HACE1: variants seen among roughly 807,000 people sequenced by gnomAD.
The protein encoded by HACE1 is HECT domain and ankyrin repeat containing E3 ubiquitin protein ligase 1.
In HACE1, 73 loss-of-function variants were observed where a neutral mutation model predicts 118.4. That is an observed-to-expected ratio of 0.62 (90% CI 0.51 to 0.75). HACE1 has a LOEUF of 0.75. Among genes scored for constraint, HACE1 ranks in the 30% least tolerant of loss-of-function variants. HACE1 has a pLI of 0.00. For synonymous variants in HACE1, 368 were observed against 374.8 expected (o/e 0.98, Z 0.21); for missense variants, 749 against 1,102.2 (o/e 0.68, Z 4.54).
intron 7 of HACE1, among the ~76,000 whole-genome samples, chr6:104,799,032 C>A (rs537641896): frequency 2.8e-4 from 43 of 152,270 alleles, no homozygotes; most frequent in African/African-American, 8.4e-4. Context: ...ATTTCAGACA[C>A]CATTCATTTG....
At chr6:104,853,329 A>T (rs1776422931) in intron 1 of HACE1, among the ~76,000 whole-genome samples, 1 of 152,178 alleles carries the variant, frequency 6.6e-6, no homozygotes, top group African/African-American at 2.4e-5. Context: ...AGGCTAAGAG[A>T]GACCCTTTAC....
At chr6:104,842,470 AC>A (rs1562492701) in intron 5 of HACE1, 1 of 151,432 alleles carries the variant, frequency 6.6e-6, no homozygotes, top group Non-Finnish European at 1.5e-5. Flanking sequence ...TTTTTTTTTA[AC>A]CGTGATTATC....
chr6:104,730,545 C>G (rs948759273), intron 22 of HACE1, 129 bp from the exon 23 acceptor site: 19 of 668,514 alleles, frequency 2.8e-5, no homozygotes, highest in African/African-American at 2.7e-4. Context: ...ACTTTTTAGT[C>G]TACAAAACTC....
intron 19 of HACE1, among the ~76,000 whole-genome samples, 171 bp downstream of exon 19, chr6:104,771,021 CT>C (rs1407039738): frequency 6.6e-6 from 1 of 152,104 alleles, no homozygotes; most frequent in Non-Finnish European, 1.5e-5. Flanking sequence ...CAAAATAATC[CT>C]TTCTAATTCA....
At position 104,728,787 on chromosome 6, in the gene HACE1, T is replaced by A. The variant is rs528159819; in HGVS notation, c.*875A>T. 6.6e-5 allele frequency: 10 copies of A among 152,248 alleles called. No individual in the cohort carries two copies. In the South Asian group the frequency reaches 1.9e-3, roughly 28 times the overall value. 9.4% of individuals were successfully genotyped at this position (152,248 alleles called of 1,614,324 possible). ...CCAAGTGATATTAGGCACATATCACTTGAACTTGACATTTTAATGATGAAA... is the reference window on the plus strand; with the variant it reads ...CCAAGTGATATTAGGCACATATCACATGAACTTGACATTTTAATGATGAAA... On this transcript the variant is annotated 3_prime_UTR_variant, in exon 24 of 24. Transcript: ENST00000262903.
intron 19 of HACE1, among the ~76,000 whole-genome samples, chr6:104,761,435 T>C (rs546592400): frequency 1.4e-4 from 22 of 152,016 alleles, no homozygotes; most frequent in Non-Finnish European, 2.6e-4. Flanking sequence ...CCGACACACA[T>C]AAGCAATAGG....
chr6:104,837,913 A>G (rs1195534316), intron 5 of HACE1, among the ~76,000 whole-genome samples: 1 of 152,178 alleles, frequency 6.6e-6, no homozygotes, highest in African/African-American at 2.4e-5. Flanking sequence ...TTCTGATGTC[A>G]GCAGCAAACA....
chr6:104,850,809 T>C (rs1360617754), intron 3 of HACE1, 98 bp downstream of exon 3: 8 of 836,066 alleles, frequency 9.6e-6, no homozygotes, highest in South Asian at 6.7e-5. Context: ...AGCTGTCTGT[T>C]CTCATCTCTC....
At chr6:104,792,383 T>C (rs1783116794) in intron 10 of HACE1, among the ~76,000 whole-genome samples, 4 of 152,228 alleles carry the variant, frequency 2.6e-5, no homozygotes, top group Admixed American at 2.6e-4. Context: ...GTTACCTTGG[T>C]ATTGGTCAAC....
At chr6:104,752,626 T>G (rs1778184114) in intron 19 of HACE1, among the ~76,000 whole-genome samples, 1 of 152,230 alleles carries the variant, frequency 6.6e-6, no homozygotes, top group East Asian at 1.9e-4. Flanking sequence ...AATAAAAGAT[T>G]TATGACTTGC....
At chr6:104,760,801 T>C (rs769096930) in intron 19 of HACE1, among the ~76,000 whole-genome samples, 18 of 152,158 alleles carry the variant, frequency 1.2e-4, no homozygotes, top group African/African-American at 1.4e-4. Context: ...GAACACCCCA[T>C]TGTCTCAGCG....
At chr6:104,857,190 C>T (rs1333079166) in intron 1 of HACE1, among the ~76,000 whole-genome samples, 1 of 143,986 alleles carries the variant, frequency 6.9e-6, no homozygotes, top group Non-Finnish European at 1.5e-5. Flanking sequence ...TATATATTTA[C>T]ATATATATTT....
intron 5 of HACE1, among the ~76,000 whole-genome samples, chr6:104,834,578 TA>T (rs1438573737): frequency 1.3e-5 from 2 of 152,116 alleles, no homozygotes. Context: ...ACTTCTTCCC[TA>T]AACCCCACGG....
intron 14 of HACE1, among the ~76,000 whole-genome samples, 181 bp downstream of exon 14, chr6:104,783,905 T>C (rs1395524834): frequency 6.6e-6 from 1 of 152,250 alleles, no homozygotes; most frequent in African/African-American, 2.4e-5. Flanking sequence ...CAGACCTCTG[T>C]ACATAGTAGG....
At chr6:104,772,178 A>T in intron 17 of HACE1, 104 bp from the exon 18 acceptor site, 1 of 688,598 alleles carries the variant, frequency 1.5e-6, no homozygotes, top group Non-Finnish European at 2.6e-6. Flanking sequence ...CAGCAAAGCT[A>T]AGGTTACATT....
intron 19 of HACE1, among the ~76,000 whole-genome samples, chr6:104,763,428 C>A (rs565475504): frequency 6.6e-6 from 1 of 152,142 alleles, no homozygotes; most frequent in African/African-American, 2.4e-5. Flanking sequence ...CAAGTCTCAA[C>A]ATGAATTTGT....
At chr6:104,771,475 T>C (rs1316974859) in intron 18 of HACE1, 86 bp from the exon 19 acceptor site, 3 of 829,700 alleles carry the variant, frequency 3.6e-6, no homozygotes, top group Non-Finnish European at 6.0e-6. Flanking sequence ...TCTACAGATA[T>C]TCTGAAAAAC....
chr6:104,758,075 G>GT (rs1491366348), intron 19 of HACE1, among the ~76,000 whole-genome samples: 2 of 152,162 alleles, frequency 1.3e-5, no homozygotes, highest in African/African-American at 4.8e-5. Flanking sequence ...CATTTGATTG[G>GT]TGTGCCTGAG....
chr6:104,731,254 T>C (rs1057428292), intron 22 of HACE1: 1 of 151,972 alleles, frequency 6.6e-6, no homozygotes, highest in African/African-American at 2.4e-5. Context: ...TTTGGATAAA[T>C]TAGAAAAATG....
Sources: allele counts gnomAD v4.1 joint callset (sites outside exome capture counted in the v4.1 genomes callset), GRCh38; gene constraint gnomAD v4.1.1; transcripts MANE v1.5; gene names NCBI Gene and HGNC (gene_info 2026-07-23, HGNC 2026-07-21).